Variants in TANC2 observed in about 807,000 individuals in gnomAD.
TANC2 encodes the protein tetratricopeptide repeat, ankyrin repeat and coiled-coil containing 2, also known as protein TANC2.
In TANC2, 26 loss-of-function variants were observed where a neutral mutation model predicts 210.5. The observed-to-expected ratio is 0.12, with a 90% CI of 0.09 to 0.17. The LOEUF is 0.17. Ranked by LOEUF, TANC2 falls within the 10% of genes least tolerant of loss-of-function variation. The probability of loss-of-function intolerance (pLI) is 1.00; values close to 1 mark genes in which losing one functional copy is unlikely to be tolerated. For missense variants in TANC2, 2,129 were observed against 2,608.9 expected (o/e 0.82, Z 4.01); for synonymous variants, 931 against 967.1 (o/e 0.96, Z 0.69).
chr17:63,158,369 A>G (rs1256955786), intron 5 of TANC2, among the ~76,000 whole-genome samples: 1 of 152,214 alleles, frequency 6.6e-6, no homozygotes, highest in Non-Finnish European at 1.5e-5. Flanking sequence ...ACATGTATAT[A>G]CTATTACACA....
rs1010810790 is a variant in TANC2, at chr17:62,989,857, G to A, written c.-23-19680G>A. On this transcript the variant is annotated intron_variant, in intron 1 of 27. Coordinates refer to ENST00000689528, the Ensembl canonical transcript of TANC2. ...CGCAATCTTGGCTCACTGCAACCTCGTCTCCTGGGTTCAAGTGATTCTTCT... is the reference window on the plus strand; with the variant it reads ...CGCAATCTTGGCTCACTGCAACCTCATCTCCTGGGTTCAAGTGATTCTTCT... Among the ~76,000 whole-genome samples the A allele has an allele frequency of 6.4e-5, 9 of 141,622 alleles. No homozygotes were observed. The South Asian group carries it at 1.7e-3, about 27-fold the overall frequency. The allele number at this position is 141,622 out of a possible 152,430, so 92.9% of individuals were successfully genotyped here. A position where few individuals can be genotyped will look rare whatever the true frequency, so the allele number is the denominator to read the frequency against.
intron 9 of TANC2, chr17:63,305,256 A>T (rs1201615206): frequency 6.6e-6 from 1 of 152,238 alleles, no homozygotes; most frequent in Non-Finnish European, 1.5e-5. Context: ...GTTCCGTGGA[A>T]AAAACATGTT....
At chr17:63,331,000 C>T (rs959948809) in intron 11 of TANC2, among the ~76,000 whole-genome samples, 33 of 152,034 alleles carry the variant, frequency 2.2e-4, no homozygotes, top group Admixed American at 1.6e-3. Context: ...TGCTTGAACC[C>T]GGGAGGCAGA....
chr17:63,040,454 CG>C (rs2035142913), intron 2 of TANC2, among the ~76,000 whole-genome samples: 1 of 152,042 alleles, frequency 6.6e-6, no homozygotes. Context: ...CACATATTTT[CG>C]GTTTCTGTGG....
chr17:63,247,282 A>G (rs1175511098), intron 8 of TANC2, among the ~76,000 whole-genome samples: 1 of 151,892 alleles, frequency 6.6e-6, no homozygotes, highest in African/African-American at 2.4e-5. Context: ...GGTGAGGTCA[A>G]TTTGTCAATT....
At chr17:63,325,770 T>G (rs952305052) in intron 11 of TANC2, among the ~76,000 whole-genome samples, 6 of 152,236 alleles carry the variant, frequency 3.9e-5, no homozygotes, top group African/African-American at 1.4e-4. Context: ...CCAACCAATT[T>G]ATAAGGTCAA....
At chr17:63,115,521 A>G (rs894107614) in intron 4 of TANC2, among the ~76,000 whole-genome samples, 7 of 152,188 alleles carry the variant, frequency 4.6e-5, no homozygotes, top group African/African-American at 1.7e-4. Context: ...ATCTGTATCT[A>G]CTATAATTCT....
At chr17:63,297,120 G>A (rs2044560469) in intron 9 of TANC2, among the ~76,000 whole-genome samples, 1 of 152,130 alleles carries the variant, frequency 6.6e-6, no homozygotes, top group African/African-American at 2.4e-5. Context: ...AATGTTTAAT[G>A]TTGTTAAGAT....
chr17:63,393,777 T>TTA (rs945573885), intron 17 of TANC2, among the ~76,000 whole-genome samples: 12 of 76,978 alleles, frequency 1.6e-4, no homozygotes, highest in Non-Finnish European at 3.0e-4. Flanking sequence ...ATTATTATTA[T>TTA]TTTTTTTTTT....
At chr17:63,097,034 T>G (rs2037412627) in intron 3 of TANC2, among the ~76,000 whole-genome samples, 2 of 151,884 alleles carry the variant, frequency 1.3e-5, no homozygotes, top group African/African-American at 2.4e-5. Flanking sequence ...TCAAGTACTT[T>G]GAAGTTTTTT....
chr17:63,353,498 AG>A (rs1263688372), intron 13 of TANC2, among the ~76,000 whole-genome samples: 1 of 152,130 alleles, frequency 6.6e-6, no homozygotes, highest in Admixed American at 6.6e-5. Flanking sequence ...GTAAATGTTG[AG>A]TAGACAGATA....
At chr17:63,365,205 C>G (rs894535762) in intron 14 of TANC2, among the ~76,000 whole-genome samples, 1 of 152,158 alleles carries the variant, frequency 6.6e-6, no homozygotes, top group African/African-American at 2.4e-5. Flanking sequence ...GCAATTCACT[C>G]GGCCATCTCT....
chr17:63,331,212 T>A (rs1457888930), intron 11 of TANC2, among the ~76,000 whole-genome samples: 1 of 152,242 alleles, frequency 6.6e-6, no homozygotes, highest in Non-Finnish European at 1.5e-5. Context: ...CTTTAACCAT[T>A]TATTTCCTAA....
At chr17:63,102,079 T>C (rs62076633) in intron 4 of TANC2, among the ~76,000 whole-genome samples, 37,133 of 151,938 alleles carry the variant, frequency 0.24, 4,914 homozygotes, top group South Asian at 0.35. Flanking sequence ...GGCAGGAAGA[T>C]TGCATGAGGC....
intron 6 of TANC2, among the ~76,000 whole-genome samples, chr17:63,198,604 G>A (rs900790563): frequency 4.6e-5 from 7 of 152,038 alleles, no homozygotes; most frequent in African/African-American, 9.7e-5. Context: ...GTTAAAAATC[G>A]TTTGCCACAT....
At chr17:63,368,653 A>G (rs2047177339) in intron 14 of TANC2, among the ~76,000 whole-genome samples, 1 of 151,948 alleles carries the variant, frequency 6.6e-6, no homozygotes, top group Non-Finnish European at 1.5e-5. Context: ...GTACTGCAAT[A>G]AGGCAAAGGG....
At chr17:63,415,473 T>C (rs1568001045) in intron 25 of TANC2, 55 bp from the exon 26 acceptor site, 1 of 1,598,260 alleles carries the variant, frequency 6.3e-7, no homozygotes, top group African/African-American at 1.3e-5. Context: ...GGACCACACT[T>C]CCTCAGCTGT....
chr17:63,043,145 A>G (rs2035252284), intron 2 of TANC2, among the ~76,000 whole-genome samples: 2 of 152,102 alleles, frequency 1.3e-5, no homozygotes, highest in African/African-American at 4.8e-5. Flanking sequence ...TAGCTTCAGC[A>G]ATTAATTAGT....
intron 14 of TANC2, among the ~76,000 whole-genome samples, chr17:63,370,399 C>T (rs533268044): frequency 4.6e-5 from 7 of 151,904 alleles, no homozygotes; most frequent in African/African-American, 7.2e-5. Flanking sequence ...AGGATGGTTT[C>T]GATCTCCTGA....
Sources: gnomAD v4.1 joint callset for allele counts (sites outside exome capture counted in the v4.1 genomes callset) on GRCh38, gnomAD v4.1.1 for gene constraint, MANE v1.5 for transcripts, NCBI Gene and HGNC (gene_info 2026-07-23, HGNC 2026-07-21) for gene names.